The following PWWP2A variants were observed in gnomAD, a reference collection of about 807,000 sequenced individuals.
PWWP2A encodes the protein PWWP domain containing 2A.
Under a neutral mutation model 48.5 loss-of-function variants are expected in PWWP2A, and 18 were observed. The ratio of observed to expected loss-of-function variants is 0.37; its 90% CI spans 0.26 to 0.55. The LOEUF is 0.55. PWWP2A is among the 20% of genes least tolerant of loss of function. PWWP2A has a pLI of 0.81. For synonymous variants in PWWP2A, 396 were observed against 387.7 expected (o/e 1.02, Z -0.25); for missense variants, 867 against 976.4 (o/e 0.89, Z 1.49).
downstream of PWWP2A, among the ~76,000 whole-genome samples, chr5:160,072,963 C>T (rs1169661445): frequency 7.2e-6 from 1 of 138,176 alleles, no homozygotes; most frequent in Non-Finnish European, 1.5e-5. Flanking sequence ...GAGATTGCAC[C>T]ATTACACTCC....
intron 1 of PWWP2A, among the ~76,000 whole-genome samples, chr5:160,097,715 G>GC (rs1358852804): frequency 4.8e-5 from 7 of 146,524 alleles, no homozygotes; most frequent in Non-Finnish European, 7.5e-5. Flanking sequence ...TTGGGGGGGG[G>GC]GGCGGTTGTT....
At position 160,093,238 on chromosome 5, in the gene PWWP2A, G is replaced by A; in HGVS notation, c.1412C>T (p.Pro471Leu). ...RYQNPSSGSL[P>L]PRVRLKPQRY... ...CTGTGGTTTTAAACGAACCCGGGGT[G>A]GAAGGGAACCTGAGCTAGGATTCTG... Residue 471 changes from proline to leucine, a missense_variant, in exon 2 of 2, where the codon CCA becomes CTA. Physicochemically the swap from Pro to Leu is moderately conservative, Grantham distance 98. Around this residue, in one of 4 missense-constraint regions of PWWP2A, gnomAD observed 382 missense variants for 407.2 expected, o/e 0.94. Coordinates refer to ENST00000307063, the MANE Select transcript of PWWP2A (RefSeq NM_001130864.2). The surrounding 1 kb of genome is among the most constrained non-coding windows in gnomAD (Gnocchi z 5.8). 2 of 1,613,990 alleles carry A rather than the reference G, an allele frequency of 1.2e-6. No individual in the cohort carries two copies. Among genetic ancestry groups the A allele is most frequent in the Admixed American group, 1.7e-5 (1 of 60,026 alleles).
At chr5:160,109,903 G>A (rs1472340983) in intron 1 of PWWP2A, among the ~76,000 whole-genome samples, 4 of 138,524 alleles carry the variant, frequency 2.9e-5, no homozygotes, top group African/African-American at 1.0e-4. Flanking sequence ...GTGAATAAAA[G>A]TAACAGCAGA....
chr5:160,064,860 G>A (rs1205422394), intron 4 of PWWP2A: 4 of 1,493,048 alleles, frequency 2.7e-6, no homozygotes, highest in Non-Finnish European at 2.7e-6. Context: ...CAGTGGTAAG[G>A]CAAGATTAAT....
At position 160,092,839 on chromosome 5, in the gene PWWP2A, A is replaced by C. The variant is rs1467268489; in HGVS notation, c.1811T>G (p.Phe604Cys). The C allele has an allele frequency of 5.2e-6, 8 of 1,551,560 alleles. No homozygotes were observed. Among genetic ancestry groups the C allele is most frequent in the Non-Finnish European group, 7.0e-6 (8 of 1,146,992 alleles). Residue 604 changes from phenylalanine (F) to cysteine (C), a missense_variant, in exon 2 of 2, where the codon TTT becomes TGT. Around this residue, in one of 4 missense-constraint regions of PWWP2A, gnomAD observed 382 missense variants for 407.2 expected, o/e 0.94. Transcript: ENST00000307063. Reference protein sequence around the residue: ...SNSECSSSESFDFPPGSMHAP... With the variant: ...SNSECSSSESCDFPPGSMHAP... ...ATGCATACTGCCTGGAGGAAAATCA[A>C]AGCTTTCAGAAGAACTACACTCAGA...
chr5:160,097,481 T>G (rs1004540638), intron 1 of PWWP2A, among the ~76,000 whole-genome samples: 1 of 148,004 alleles, frequency 6.8e-6, no homozygotes, highest in African/African-American at 2.5e-5. Context: ...AATACAAAAA[T>G]TAGCTGGGTG....
intron 1 of PWWP2A, among the ~76,000 whole-genome samples, chr5:160,110,337 A>C (rs1231644047): frequency 6.6e-6 from 1 of 152,180 alleles, no homozygotes; most frequent in African/African-American, 2.4e-5. Flanking sequence ...ATTTGATGAT[A>C]TAAAAGGATT....
chr5:160,076,360 G>A (rs1447937107), exon 4 of PWWP2A: 1 of 152,120 alleles, frequency 6.6e-6, no homozygotes, highest in Non-Finnish European at 1.5e-5. Flanking sequence ...GGTTCTTGAA[G>A]TGAGCCCGAA....
chr5:160,098,288 T>G (rs1289191559), intron 1 of PWWP2A, among the ~76,000 whole-genome samples: 2 of 151,996 alleles, frequency 1.3e-5, no homozygotes, highest in East Asian at 1.9e-4. Flanking sequence ...AAAACTACAA[T>G]AAGGGGGAAA....
chr5:160,065,366 A>G, intron 4 of PWWP2A: 1 of 519,656 alleles, frequency 1.9e-6, no homozygotes, highest in Non-Finnish European at 3.7e-6. Context: ...CTGATCATAC[A>G]CACACACAGC....
At chr5:160,112,688 T>C (rs1300643336) in intron 1 of PWWP2A, among the ~76,000 whole-genome samples, 1 of 152,224 alleles carries the variant, frequency 6.6e-6, no homozygotes, top group Non-Finnish European at 1.5e-5. Flanking sequence ...CCAGGCCACC[T>C]GGTCATTCTG....
At position 160,092,225 on chromosome 5, in the gene PWWP2A, A is replaced by G. The variant is rs1283635707; in HGVS notation, c.*157T>C. The G allele has an allele frequency of 8.8e-6, 12 of 1,370,960 alleles. No homozygotes were observed. Among genetic ancestry groups the G allele is most frequent in the Non-Finnish European group, 1.1e-5 (12 of 1,064,388 alleles). 84.9% of individuals were successfully genotyped at this position (1,370,960 alleles called of 1,614,324 possible). ...GATTATATGTTCAGTTTAAGCTCTC[A>G]GTCTAAAAATGGCTATAAGGTAAGT... On this transcript the variant is annotated 3_prime_UTR_variant, in exon 2 of 2. Transcript: ENST00000307063.
chr5:160,080,278 C>CA (rs1051784912), intron 3 of PWWP2A, among the ~76,000 whole-genome samples: 1 of 151,744 alleles, frequency 6.6e-6, no homozygotes, highest in Non-Finnish European at 1.5e-5. Context: ...ATAAAAGTGA[C>CA]AAAAAAAGAC....
In PWWP2A at chr5:160,093,536, C is replaced by A. The variant is rs763945955; in HGVS notation, c.1114G>T (p.Asp372Tyr). ...TGGCTTTCATTTTGGTTTTTCCCATCCACTTTATGGTCAGTTTTCAGTTTT... is the reference window on the plus strand; with the variant it reads ...TGGCTTTCATTTTGGTTTTTCCCATACACTTTATGGTCAGTTTTCAGTTTT... ...NKKLKTDHKV[D>Y]GKNQNESQKR... The change falls in exon 2 of 2, where the codon GAT becomes TAT. Residue 372 changes from aspartate to tyrosine, a missense_variant. By Grantham distance (160) the Asp-to-Tyr change is radical (BLOSUM62 -3). Around this residue, in one of 4 missense-constraint regions of PWWP2A, gnomAD observed 382 missense variants for 407.2 expected, o/e 0.94. Coordinates refer to ENST00000307063, the MANE Select transcript of PWWP2A (RefSeq NM_001130864.2). The surrounding 1 kb of genome is among the most constrained non-coding windows in gnomAD (Gnocchi z 5.8). 6.2e-7 allele frequency: 1 copy of A among 1,613,848 alleles called. No individual in the cohort carries two copies. The highest frequency in any genetic ancestry group is 8.5e-7 in the Non-Finnish European group (1 of 1,179,872).
Position 160,114,044 on chromosome 5 carries a change from T to A in PWWP2A, c.584+4761A>T, listed in dbSNP as rs368960584. On this transcript the variant is annotated intron_variant, in intron 1 of 1. Transcript: ENST00000307063. ...AAAGCATGAGGTACAATGTCTAGCA[T>A]ATAATGGACCCTCATAGAAAGCTCC... Among the ~76,000 whole-genome samples the A allele has an allele frequency of 5.4e-4, 83 of 152,348 alleles. 1 individual carries two copies. In the South Asian group the frequency reaches 0.017, roughly 31 times the overall value.
chr5:160,087,368 T>C (rs1159469593), downstream of PWWP2A, among the ~76,000 whole-genome samples: 1 of 138,354 alleles, frequency 7.2e-6, no homozygotes, highest in Non-Finnish European at 1.5e-5. Context: ...TGACAGAGTG[T>C]GACCCTATCT....
downstream of PWWP2A, among the ~76,000 whole-genome samples, chr5:160,073,314 T>A (rs952407240): frequency 1.3e-5 from 2 of 151,534 alleles, no homozygotes; most frequent in African/African-American, 4.8e-5. Context: ...CTGCAAGCTC[T>A]GCCTCCCGGG....
At chr5:160,101,516 C>A (rs1427504427) in intron 1 of PWWP2A, among the ~76,000 whole-genome samples, 1 of 152,106 alleles carries the variant, frequency 6.6e-6, no homozygotes, top group African/African-American at 2.4e-5. Flanking sequence ...GGTGGAGAAG[C>A]AGAAATGGGA....
chr5:160,052,376 C>T, the PWWP2A span, among the ~76,000 whole-genome samples: 1 of 151,728 alleles, frequency 6.6e-6, no homozygotes, highest in African/African-American at 2.4e-5. Context: ...TGTGCCTGCC[C>T]ATAGTCCCAG....
Sources: gnomAD v4.1 joint callset for allele counts (sites outside exome capture counted in the v4.1 genomes callset) on GRCh38, gnomAD v4.1.1 for gene constraint, gnomAD v4.1.1 regional missense constraint, Gnocchi (gnomAD v3.1) non-coding constraint, MANE v1.5 for transcripts, NCBI Gene and HGNC (gene_info 2026-07-23, HGNC 2026-07-21) for gene names.